Variants in OSBPL5 observed in about 807,000 individuals in gnomAD.
OSBPL5 encodes the protein oxysterol-binding protein-related protein 5.
A neutral mutation model predicts 111.2 loss-of-function variants in OSBPL5; 71 were observed. That is an observed-to-expected ratio of 0.64 (90% CI 0.53 to 0.78). The LOEUF (loss-of-function observed/expected upper bound fraction) is 0.78, where lower values mean the gene tolerates loss of function less well. OSBPL5 is among the 30% of genes least tolerant of loss of function. OSBPL5 has a pLI of 0.00. For synonymous variants in OSBPL5, 549 were observed against 513.9 expected, an observed-to-expected ratio of 1.07 and a Z score of -0.93; for missense variants, 1,210 against 1,189.3, an observed-to-expected ratio of 1.02 and a Z score of -0.26.
At position 3,107,218 on chromosome 11, in the gene OSBPL5, C is replaced by T. The variant is rs3741354; in HGVS notation, c.1059+45G>A. On this transcript the variant is annotated intron_variant, in intron 9 of 21. Coordinates refer to ENST00000263650, the MANE Select transcript of OSBPL5 (RefSeq NM_020896.4). The surrounding 1 kb of genome is among the most constrained non-coding windows in gnomAD (Gnocchi z 6.1). ...TACCTCTGCTTCCGGAACAAGGGGC[C>T]GAGGCAGGGGAGACGCTTGGGGCTC... The T allele has an allele frequency of 0.043, 67,319 of 1,583,256 alleles. 2,842 individuals are homozygous for T. The highest frequency in any genetic ancestry group is 0.18 in the African/African-American group (12,873 of 73,218).
At chr11:3,150,630 G>T (rs887777479) in intron 1 of OSBPL5, among the ~76,000 whole-genome samples, 3 of 152,096 alleles carry the variant, frequency 2.0e-5, no homozygotes, top group Non-Finnish European at 2.9e-5. Context: ...ACATGCCTCT[G>T]GGGGGAGCAG....
intron 19 of OSBPL5, 37 bp from the exon 20 acceptor site, chr11:3,090,733 C>T (rs773982689): frequency 6.3e-7 from 1 of 1,581,584 alleles, no homozygotes; most frequent in South Asian, 1.1e-5. Context: ...TGAAAGCCAC[C>T]CACGCCCCCT....
intron 1 of OSBPL5, among the ~76,000 whole-genome samples, chr11:3,153,522 T>C (rs1846654640): frequency 6.6e-6 from 1 of 152,242 alleles, no homozygotes; most frequent in Non-Finnish European, 1.5e-5. Context: ...GGGCTATTCC[T>C]GCTCTGGCAA....
In OSBPL5 at chr11:3,088,152, G is replaced by A; in HGVS notation, c.*53C>T. On this transcript the variant is annotated 3_prime_UTR_variant, in exon 22 of 22. Transcript: ENST00000263650. ...TCCATGGAGCAGGCTTAAAGTGCTG[G>A]GTGCCTGGGAGGGAGGGCTCAGGAC... The A allele has an allele frequency of 6.8e-7, 1 of 1,464,540 alleles. No homozygotes were observed. Among genetic ancestry groups the A allele is most frequent in the Non-Finnish European group, 9.1e-7 (1 of 1,097,750 alleles). 90.7% of individuals were successfully genotyped at this position (1,464,540 alleles called of 1,614,324 possible).
chr11:3,156,022 C>T (rs947149113), intron 1 of OSBPL5, among the ~76,000 whole-genome samples: 2 of 152,250 alleles, frequency 1.3e-5, no homozygotes, highest in African/African-American at 2.4e-5. Context: ...GGTGTGTCCC[C>T]TGGGGGCCAG....
intron 1 of OSBPL5, among the ~76,000 whole-genome samples, chr11:3,136,484 A>G (rs1845950553): frequency 6.6e-6 from 1 of 152,260 alleles, no homozygotes; most frequent in Non-Finnish European, 1.5e-5. Flanking sequence ...TCCTGGACTC[A>G]TTCCGCATCC....
intron 14 of OSBPL5, among the ~76,000 whole-genome samples, chr11:3,095,048 A>C (rs1857207337): frequency 6.6e-6 from 1 of 152,186 alleles, no homozygotes; most frequent in African/African-American, 2.4e-5. Flanking sequence ...AATGAAGAAA[A>C]GAAACAACAA....
intron 21 of OSBPL5, 79 bp from the exon 22 acceptor site, chr11:3,088,422 G>T: frequency 7.3e-7 from 1 of 1,369,156 alleles, no homozygotes; most frequent in South Asian, 1.8e-5. Flanking sequence ...ACAGTGCCCT[G>T]GGTACTTGAC....
At chr11:3,163,605 C>G (rs1433927191) in intron 1 of OSBPL5, among the ~76,000 whole-genome samples, 13 of 152,190 alleles carry the variant, frequency 8.5e-5, no homozygotes, top group Admixed American at 8.5e-4. Flanking sequence ...TATTCATGGC[C>G]CAATCTGGAC....
At chr11:3,095,636 G>T (rs777309356) in intron 14 of OSBPL5, among the ~76,000 whole-genome samples, 13 of 152,164 alleles carry the variant, frequency 8.5e-5, no homozygotes, top group Non-Finnish European at 1.9e-4. Flanking sequence ...CAAATAATAC[G>T]TGGCAATAAT....
intron 1 of OSBPL5, among the ~76,000 whole-genome samples, chr11:3,131,605 A>ATCCC (rs1564849905): frequency 1.0e-5 from 1 of 98,836 alleles, no homozygotes; most frequent in African/African-American, 3.6e-5. Flanking sequence ...CCATCCATCC[A>ATCCC]CCCATTCATC....
At chr11:3,143,087 G>A (rs1432090125) in intron 1 of OSBPL5, among the ~76,000 whole-genome samples, 1 of 91,538 alleles carries the variant, frequency 1.1e-5, no homozygotes, top group African/African-American at 4.4e-5. Flanking sequence ...GTGCAGAGGG[G>A]GGCAGAGGAG....
chr11:3,123,523 G>A (rs757299916), intron 3 of OSBPL5, among the ~76,000 whole-genome samples: 17 of 152,260 alleles, frequency 1.1e-4, no homozygotes, highest in Non-Finnish European at 2.2e-4. Context: ...CGGAGCCTGC[G>A]CCGCGGCGGG....
chr11:3,152,018 C>A (rs1411851139), intron 1 of OSBPL5, among the ~76,000 whole-genome samples: 2 of 152,256 alleles, frequency 1.3e-5, no homozygotes, highest in Non-Finnish European at 2.9e-5. Flanking sequence ...GTGGCCTTCA[C>A]CATTAGGTCA....
In OSBPL5 at chr11:3,121,514, G is replaced by A. The variant is rs1858416196; in HGVS notation, c.402+483C>T. ...CACCAGGGCTGGGCACACTTATCTGGTATGCGTTGCCCAGCAGCCTCGGAG... is the reference window on the plus strand; with the variant it reads ...CACCAGGGCTGGGCACACTTATCTGATATGCGTTGCCCAGCAGCCTCGGAG... On this transcript the variant is annotated intron_variant, in intron 5 of 21. Coordinates refer to ENST00000263650, the MANE Select transcript of OSBPL5 (RefSeq NM_020896.4). This position sits in a 1 kb window ranked among gnomAD's most constrained non-coding sequence, Gnocchi z 4.3. Among the ~76,000 whole-genome samples the A allele has an allele frequency of 6.6e-6, 1 of 152,138 alleles. No individual in the cohort carries two copies. Among genetic ancestry groups the A allele is most frequent in the Non-Finnish European group, 1.5e-5 (1 of 68,032 alleles).
rs887994104 is a variant in OSBPL5 at position 3,114,749 on chromosome 11, C to T, written c.691+4798G>A. Among the ~76,000 whole-genome samples the T allele has an allele frequency of 4.0e-5, 6 of 151,840 alleles. No homozygotes were observed. The East Asian group carries it at 1.2e-3, about 29-fold the overall frequency. The stretch of plus-strand genomic sequence containing the variant: ...GAGTAGCTGGGACTACAGGCGCCCG[C>T]CACCACGCCTGGCTAATTTTTTTTT... On this transcript the variant is annotated intron_variant, in intron 7 of 21. Coordinates refer to ENST00000263650, the MANE Select transcript of OSBPL5 (RefSeq NM_020896.4).
chr11:3,100,331 G>C (rs1857409972), intron 13 of OSBPL5, 75 bp from the exon 14 acceptor site: 1 of 1,328,014 alleles, frequency 7.5e-7, no homozygotes. Context: ...CTAAGTCACA[G>C]GGTCTGAGCT....
rs144656377 is a variant in OSBPL5 at position 3,120,619 on chromosome 11, G to C, written c.408C>G (p.Arg136=). The C allele has an allele frequency of 3.0e-5, 49 of 1,612,312 alleles. No homozygotes were observed. Among genetic ancestry groups the C allele is most frequent in the Non-Finnish European group, 4.0e-5 (47 of 1,179,938 alleles). ...GCTTGGTCCAGCTCTTCAGGGTGCC[G>C]CGGATCTGCAGGGAGGATGCTGGCG... ...VVIMADSLKI[R]GTLKSWTKLW... is the part of the protein sequence containing the mutation. Residue 136 remains arginine (R), a synonymous_variant, in exon 6 of 22, where the codon CGC becomes CGG. Coordinates refer to ENST00000263650, the MANE Select transcript of OSBPL5 (RefSeq NM_020896.4).
At chr11:3,144,849 C>T (rs1320003056) in intron 1 of OSBPL5, among the ~76,000 whole-genome samples, 1 of 152,224 alleles carries the variant, frequency 6.6e-6, no homozygotes, top group African/African-American at 2.4e-5. Flanking sequence ...AGAGCCACCC[C>T]CCGGCACCCG....
Sources: allele counts gnomAD v4.1 joint callset (sites outside exome capture counted in the v4.1 genomes callset), GRCh38; gene constraint gnomAD v4.1.1; non-coding constraint Gnocchi (gnomAD v3.1); transcripts MANE v1.5; gene names NCBI Gene and HGNC (gene_info 2026-07-23, HGNC 2026-07-21).